The following CRISP2 variants were observed in gnomAD, a reference collection of about 807,000 sequenced individuals.
CRISP2 encodes cysteine rich secretory protein 2.
A neutral mutation model predicts 31.7 loss-of-function variants in CRISP2; 29 were observed. The observed-to-expected ratio is 0.92, with a 90% CI of 0.68 to 1.25. The LOEUF is 1.25. Ranked by LOEUF, CRISP2 falls within the 50% of genes most tolerant of loss-of-function variation. The probability of loss-of-function intolerance (pLI) is 0.00; values close to 1 mark genes in which losing one functional copy is unlikely to be tolerated. For missense variants in CRISP2, 318 were observed against 286.5 expected, an observed-to-expected ratio of 1.11 and a Z score of -0.79; for synonymous variants, 111 against 101.4, an observed-to-expected ratio of 1.09 and a Z score of -0.57.
At chr6:49,701,400 C>T (rs983049871) in intron 4 of CRISP2, among the ~76,000 whole-genome samples, 22 of 150,324 alleles carry the variant, frequency 1.5e-4, no homozygotes, top group Non-Finnish European at 2.8e-4. Context: ...TTCTGAGTTA[C>T]GTCACTTGGA....
chr6:49,683,827 C>T, the CRISP2 span, among the ~76,000 whole-genome samples: 2 of 148,906 alleles, frequency 1.3e-5, no homozygotes, highest in Non-Finnish European at 3.0e-5. Context: ...AAAGTGAACA[C>T]ATTTTCATGA....
chr6:49,680,005 C>T, the CRISP2 span, among the ~76,000 whole-genome samples: 1 of 151,994 alleles, frequency 6.6e-6, no homozygotes, highest in Non-Finnish European at 1.5e-5. Context: ...TGCACCCAGC[C>T]GACTTTTATT....
downstream of CRISP2, among the ~76,000 whole-genome samples, chr6:49,688,429 C>T (rs1202414611): frequency 6.7e-6 from 1 of 150,372 alleles, no homozygotes; most frequent in African/African-American, 2.4e-5. Context: ...AATAAAAATG[C>T]TTTTTTTTTC....
chr6:49,709,078 C>A, intron 4 of CRISP2, 53 bp downstream of exon 4: 1 of 1,493,714 alleles, frequency 6.7e-7, no homozygotes, highest in South Asian at 1.1e-5. Flanking sequence ...AATAGCCTGC[C>A]ATACCACAAA....
At chr6:49,701,523 TATACAC>T (rs1329376795) in intron 4 of CRISP2, among the ~76,000 whole-genome samples, 2,536 of 105,778 alleles carry the variant, frequency 0.024, 215 homozygotes, top group African/African-American at 0.092. Context: ...TATATATATA[TATACAC>T]ACACACACAC....
At chr6:49,682,719 TTC>T in the CRISP2 span, among the ~76,000 whole-genome samples, 1 of 149,558 alleles carries the variant, frequency 6.7e-6, no homozygotes, top group African/African-American at 2.5e-5. Context: ...CTCTTTCTTT[TTC>T]TCTTTCTTTT....
intron 9 of CRISP2, among the ~76,000 whole-genome samples, chr6:49,694,352 A>G (rs148569757): frequency 1.3e-5 from 2 of 152,260 alleles, no homozygotes; most frequent in African/African-American, 4.8e-5. Context: ...AGGCCATTTT[A>G]GTTGACCAGT....
downstream of CRISP2, among the ~76,000 whole-genome samples, chr6:49,690,205 T>C (rs1288798966): frequency 1.3e-5 from 2 of 152,096 alleles, no homozygotes; most frequent in Non-Finnish European, 2.9e-5. Flanking sequence ...ATGTGGTAAA[T>C]ACTGAATGAT....
intron 7 of CRISP2, among the ~76,000 whole-genome samples, 187 bp downstream of exon 7, chr6:49,698,175 T>C (rs953122380): frequency 6.6e-6 from 1 of 152,166 alleles, no homozygotes; most frequent in African/African-American, 2.4e-5. Context: ...ATACAGAGTC[T>C]GCTTTCCTAC....
chr6:49,682,600 TTTC>T, the CRISP2 span, among the ~76,000 whole-genome samples: 6 of 60,036 alleles, frequency 1.0e-4, 1 homozygote, highest in East Asian at 9.9e-4. Flanking sequence ...TCTTTCTTTC[TTTC>T]TTTCTTTCTT....
the CRISP2 span, among the ~76,000 whole-genome samples, chr6:49,686,483 A>G: frequency 6.6e-6 from 1 of 152,200 alleles, no homozygotes. Context: ...TGAAAATACC[A>G]ATAAAAAACC....
the CRISP2 span, among the ~76,000 whole-genome samples, chr6:49,686,399 G>A: frequency 1.3e-5 from 2 of 152,118 alleles, no homozygotes; most frequent in African/African-American, 4.8e-5. Context: ...ATTTCTAAAG[G>A]ACTGGTAGAG....
chr6:49,691,242 T>C (rs113311556), downstream of CRISP2, among the ~76,000 whole-genome samples: 994 of 152,184 alleles, frequency 6.5e-3, 5 homozygotes, highest in South Asian at 0.013. Flanking sequence ...TCACACTACC[T>C]CAGTGCTCTT....
chr6:49,691,414 T>G (rs1436241515), downstream of CRISP2, among the ~76,000 whole-genome samples: 2 of 152,082 alleles, frequency 1.3e-5, no homozygotes, highest in African/African-American at 4.8e-5. Flanking sequence ...ATATATACAA[T>G]GAATATATTC....
At chr6:49,708,691 T>G (rs1005091727) in intron 4 of CRISP2, among the ~76,000 whole-genome samples, 1 of 152,144 alleles carries the variant, frequency 6.6e-6, no homozygotes. Context: ...GAGAATAAGT[T>G]TTTGTTGTTA....
chr6:49,680,808 AG>A, the CRISP2 span, among the ~76,000 whole-genome samples: 1 of 152,170 alleles, frequency 6.6e-6, no homozygotes, highest in Non-Finnish European at 1.5e-5. Context: ...TCTTTTGAAA[AG>A]TGTCTGTTCA....
At chr6:49,704,398 A>G (rs1359364862) in intron 4 of CRISP2, among the ~76,000 whole-genome samples, 1 of 152,046 alleles carries the variant, frequency 6.6e-6, no homozygotes, top group Non-Finnish European at 1.5e-5. Context: ...ATGGTGAGCT[A>G]GTGTGATCTT....
intron 9 of CRISP2, 134 bp downstream of exon 9, chr6:49,695,702 T>C: frequency 1.5e-6 from 1 of 645,418 alleles, no homozygotes; most frequent in Non-Finnish European, 2.7e-6. Flanking sequence ...AAGCATACTT[T>C]GTTGAATAAT....
chr6:49,703,822 C>T (rs73437878), intron 4 of CRISP2, among the ~76,000 whole-genome samples: 5,076 of 152,264 alleles, frequency 0.033, 301 homozygotes, highest in African/African-American at 0.12. Context: ...AACCTGATGA[C>T]TATGTACCCA....
Sources: gnomAD v4.1 joint callset for allele counts (sites outside exome capture counted in the v4.1 genomes callset) on GRCh38, gnomAD v4.1.1 for gene constraint, MANE v1.5 for transcripts, NCBI Gene and HGNC (gene_info 2026-07-23, HGNC 2026-07-21) for gene names.